DMD: variants seen among roughly 807,000 people sequenced by gnomAD.
DMD encodes dystrophin, also known as mutant dystrophin.
Under a neutral mutation model 330.1 loss-of-function variants are expected in DMD, and 63 were observed. The observed-to-expected ratio is 0.19, with a 90% confidence interval of 0.16 to 0.24. The LOEUF (loss-of-function observed/expected upper bound fraction) is 0.24, where lower values mean the gene tolerates loss of function less well. Ranked by LOEUF, DMD falls within the 10% of genes least tolerant of loss-of-function variation. DMD has a pLI of 1.00. For missense variants in DMD, 3,344 were observed against 2,684.1 expected, an observed-to-expected ratio of 1.25 and a Z score of -5.43; for synonymous variants, 1,223 against 959.8, an observed-to-expected ratio of 1.27 and a Z score of -5.07.
At chrX:33,303,023 T>C (rs1471817335) in intron 1 of DMD, among the ~76,000 whole-genome samples, 2 of 111,814 alleles carry the variant, frequency 1.8e-5, no homozygotes, top group Non-Finnish European at 3.8e-5. Flanking sequence ...TGAAATCATA[T>C]AGTATGTAGA....
chrX:32,572,010 C>A (rs12558078), intron 15 of DMD, among the ~76,000 whole-genome samples: 1 of 112,058 alleles, frequency 8.9e-6, no homozygotes, highest in Non-Finnish European at 1.9e-5. Context: ...TCCCCATCAG[C>A]TGCAGGCCAA....
intron 63 of DMD, among the ~76,000 whole-genome samples, chrX:31,225,384 C>T (rs1329418802): frequency 8.9e-6 from 1 of 112,309 alleles, no homozygotes; most frequent in Non-Finnish European, 1.9e-5. Context: ...AATAGTTAGA[C>T]GGGCCTGTGT....
chrX:32,643,861 C>T (rs1186167924), intron 11 of DMD, among the ~76,000 whole-genome samples: 2 of 111,653 alleles, frequency 1.8e-5, no homozygotes, highest in Admixed American at 9.6e-5. Flanking sequence ...TGGAGGAAAA[C>T]CTAGAAAATA....
chrX:31,323,313 T>C (rs765190429), intron 62 of DMD, among the ~76,000 whole-genome samples: 46 of 111,966 alleles, frequency 4.1e-4, no homozygotes, highest in Non-Finnish European at 8.1e-4. Flanking sequence ...ATCAATAAAA[T>C]TATCTGGAGC....
At chrX:32,943,416 C>T (rs1407744538) in intron 2 of DMD, among the ~76,000 whole-genome samples, 4 of 111,145 alleles carry the variant, frequency 3.6e-5, no homozygotes, top group Non-Finnish European at 7.5e-5. Context: ...GATCATAATA[C>T]AGCATTATAT....
chrX:31,522,363 C>CTCTCTCTCTCTCTATATA, intron 55 of DMD, among the ~76,000 whole-genome samples: 19 of 35,962 alleles, frequency 5.3e-4, no homozygotes, highest in East Asian at 2.9e-3. Flanking sequence ...CTCTCTCTCT[C>CTCTCTCTCTCTCTATATA]TATATATATA....
intron 63 of DMD, among the ~76,000 whole-genome samples, chrX:31,228,256 T>TA (rs750444358): frequency 0.4 from 24,796 of 61,612 alleles, 3,160 homozygotes; most frequent in South Asian, 0.52. Context: ...TAAAGTATAA[T>TA]AAAAAAAAAA....
intron 19 of DMD, among the ~76,000 whole-genome samples, chrX:32,497,749 A>G (rs1017792856): frequency 7.2e-5 from 8 of 111,505 alleles, no homozygotes; most frequent in Non-Finnish European, 1.3e-4. Flanking sequence ...AAACAGACAT[A>G]TGTTTAGGTA....
intron 44 of DMD, among the ~76,000 whole-genome samples, chrX:32,153,921 A>G (rs962990549): frequency 1.8e-5 from 2 of 112,415 alleles, no homozygotes; most frequent in Admixed American, 1.9e-4. Flanking sequence ...CTGCAATTCT[A>G]CAATTAAATC....
At chrX:32,598,660 T>C (rs1029093036) in intron 12 of DMD, among the ~76,000 whole-genome samples, 7 of 112,342 alleles carry the variant, frequency 6.2e-5, no homozygotes, top group Admixed American at 5.7e-4. Flanking sequence ...CCAACTCTTA[T>C]TGAGTCTTTT....
chrX:31,359,588 T>C (rs2058833877), intron 60 of DMD, among the ~76,000 whole-genome samples: 1 of 112,480 alleles, frequency 8.9e-6, no homozygotes, highest in Non-Finnish European at 1.9e-5. Flanking sequence ...ATTTACTATA[T>C]CCCAAGTGCT....
At chrX:31,688,215 C>G (rs1306034134) in intron 52 of DMD, among the ~76,000 whole-genome samples, 1 of 110,963 alleles carries the variant, frequency 9.0e-6, no homozygotes, top group Non-Finnish European at 1.9e-5. Flanking sequence ...AATTGATAGA[C>G]CGCTAGTAAG....
chrX:32,680,221 G>C (rs985640344), intron 9 of DMD, among the ~76,000 whole-genome samples: 2 of 110,320 alleles, frequency 1.8e-5, no homozygotes, highest in Non-Finnish European at 3.8e-5. Flanking sequence ...CTAAATTTTT[G>C]TACTCTTAAA....
At chrX:31,923,704 T>G (rs2094726850) in intron 47 of DMD, among the ~76,000 whole-genome samples, 1 of 107,970 alleles carries the variant, frequency 9.3e-6, no homozygotes. Context: ...TTCAAGTGAT[T>G]CTCCTGCCTC....
At chrX:32,901,996 C>G (rs1367377188) in intron 2 of DMD, among the ~76,000 whole-genome samples, 1 of 110,170 alleles carries the variant, frequency 9.1e-6, no homozygotes, top group African/African-American at 3.4e-5. Context: ...AAAACATATG[C>G]TATTACATTT....
intron 44 of DMD, among the ~76,000 whole-genome samples, chrX:32,011,720 C>T (rs945186135): frequency 9.0e-6 from 1 of 111,014 alleles, no homozygotes; most frequent in Non-Finnish European, 1.9e-5. Flanking sequence ...TCTCATGTCA[C>T]CTTGTGCTTA....
intron 59 of DMD, among the ~76,000 whole-genome samples, chrX:31,474,712 A>AAAAAAAAAAT (rs1556654666): frequency 3.5e-3 from 335 of 95,988 alleles, no homozygotes; most frequent in African/African-American, 0.014. Flanking sequence ...GTCGCAAAAA[A>AAAAAAAAAAT]AAAATAAAAT....
intron 7 of DMD, among the ~76,000 whole-genome samples, chrX:32,768,381 A>G (rs891114209): frequency 8.9e-6 from 1 of 111,777 alleles, no homozygotes; most frequent in African/African-American, 3.3e-5. Context: ...TATTTCTGAT[A>G]CAATCTTTGC....
intron 59 of DMD, among the ~76,000 whole-genome samples, chrX:31,465,202 AT>A (rs773067113): frequency 2.0e-4 from 22 of 108,913 alleles, no homozygotes; most frequent in South Asian, 7.8e-4. Context: ...TTTGGTCAGG[AT>A]TTTTTTTTTA....
Sources: gnomAD v4.1 joint callset for allele counts (sites outside exome capture counted in the v4.1 genomes callset) on GRCh38, gnomAD v4.1.1 for gene constraint, MANE v1.5 for transcripts, NCBI Gene and HGNC (gene_info 2026-07-23, HGNC 2026-07-21) for gene names.